PDZRN4: variants seen among roughly 807,000 people sequenced by gnomAD.
The protein encoded by PDZRN4 is PDZ domain-containing RING finger protein 4.
A neutral mutation model predicts 99.0 loss-of-function variants in PDZRN4; 70 were observed. That is an observed-to-expected ratio of 0.71 (90% CI 0.58 to 0.86). The LOEUF is 0.86. Ranked by LOEUF, PDZRN4 falls within the 40% of genes least tolerant of loss-of-function variation. PDZRN4 has a pLI of 0.00. For synonymous variants in PDZRN4, 551 were observed against 501.6 expected (o/e 1.10, Z -1.32); for missense variants, 1,474 against 1,331.2 (o/e 1.11, Z -1.67).
chr12:41,544,647 A>G (rs552959867), intron 5 of PDZRN4, among the ~76,000 whole-genome samples: 1 of 152,342 alleles, frequency 6.6e-6, no homozygotes, highest in South Asian at 2.1e-4. Context: ...ATGAAATACA[A>G]ATTTTCTAAT....
chr12:41,450,948 A>G (rs1203468437), intron 3 of PDZRN4, among the ~76,000 whole-genome samples: 1 of 151,970 alleles, frequency 6.6e-6, no homozygotes, highest in Non-Finnish European at 1.5e-5. Flanking sequence ...AACAAACTAC[A>G]TATATGTATA....
chr12:41,290,230 C>A (rs1003616050), intron 3 of PDZRN4, among the ~76,000 whole-genome samples: 1 of 152,162 alleles, frequency 6.6e-6, no homozygotes, highest in Non-Finnish European at 1.5e-5. Flanking sequence ...TTAGGGAAGA[C>A]AGATTTTTAA....
rs138252744 is a variant in PDZRN4 at position 41,375,271 on chromosome 12, A to T, written c.844-131185A>T. On this transcript the variant is annotated intron_variant, in intron 3 of 9. Coordinates refer to ENST00000402685, the MANE Select transcript of PDZRN4 (RefSeq NM_001164595.2). The stretch of plus-strand genomic sequence containing the variant: ...ATAGTGTGAATTGTTTTAACCTATC[A>T]AGTTTCAGGGTAGTGTGCTATTCAA... 7.4e-4 allele frequency among the ~76,000 whole-genome samples: 112 copies of T among 152,320 alleles called. 1 individual carries two copies. Among genetic ancestry groups the T allele is most frequent in the African/African-American group, 2.6e-3 (107 of 41,578 alleles).
intron 3 of PDZRN4, among the ~76,000 whole-genome samples, chr12:41,276,936 T>A (rs1951353510): frequency 6.6e-6 from 1 of 152,158 alleles, no homozygotes. Flanking sequence ...GGTTAGCTAG[T>A]GTGACAAATG....
intron 2 of PDZRN4, among the ~76,000 whole-genome samples, chr12:41,192,010 T>G (rs1950738863): frequency 6.6e-6 from 1 of 152,070 alleles, no homozygotes; most frequent in South Asian, 2.1e-4. Context: ...TTTGAACTCC[T>G]CACCCCAAGT....
chr12:41,385,934 A>G (rs1238489847), intron 3 of PDZRN4, among the ~76,000 whole-genome samples: 1 of 152,198 alleles, frequency 6.6e-6, no homozygotes, highest in African/African-American at 2.4e-5. Context: ...CTGGCCAACC[A>G]AATCGAGCTG....
At chr12:41,500,291 A>C (rs1224822300) in intron 3 of PDZRN4, among the ~76,000 whole-genome samples, 21 of 151,982 alleles carry the variant, frequency 1.4e-4, no homozygotes, top group Non-Finnish European at 2.9e-4. Flanking sequence ...GAGCTAAGGG[A>C]AGCTGCAACA....
intron 3 of PDZRN4, among the ~76,000 whole-genome samples, chr12:41,351,710 C>T (rs184566659): frequency 6.6e-6 from 1 of 152,102 alleles, no homozygotes; most frequent in African/African-American, 2.4e-5. Context: ...TCCTCCAAAA[C>T]TAGAAATTAC....
At chr12:41,380,626 C>T (rs1475460222) in intron 3 of PDZRN4, among the ~76,000 whole-genome samples, 2 of 151,918 alleles carry the variant, frequency 1.3e-5, no homozygotes, top group Non-Finnish European at 2.9e-5. Context: ...TTACTTATTT[C>T]CCCCTTTTCA....
intron 3 of PDZRN4, among the ~76,000 whole-genome samples, chr12:41,316,773 G>A (rs1167951177): frequency 1.3e-5 from 2 of 151,498 alleles, no homozygotes; most frequent in Non-Finnish European, 2.9e-5. Flanking sequence ...GCCCAAATTT[G>A]ATAATATCAT....
intron 3 of PDZRN4, among the ~76,000 whole-genome samples, chr12:41,261,589 A>T (rs1951240421): frequency 6.6e-6 from 1 of 152,092 alleles, no homozygotes; most frequent in African/African-American, 2.4e-5. Context: ...TCCCGGGTTC[A>T]CGCCATTCTC....
chr12:41,489,248 A>G (rs1272085939), intron 3 of PDZRN4, among the ~76,000 whole-genome samples: 5 of 151,956 alleles, frequency 3.3e-5, no homozygotes, highest in Non-Finnish European at 7.4e-5. Flanking sequence ...ATTTTTGGAG[A>G]TGTTTTGGGT....
rs147995562 is a variant in PDZRN4, at chr12:41,361,928, G to A, written c.844-144528G>A. Among the ~76,000 whole-genome samples, 1,349 of 152,020 alleles carry A rather than the reference G, an allele frequency of 8.9e-3. 18 individuals are homozygous for A. Among genetic ancestry groups the A allele is most frequent in the African/African-American group, 0.03 (1,233 of 41,472 alleles). ...ATTGTACTCGGGGCTGACTCGCGTCGCACCAGCTCCTACGTGACATTGAGA... is the reference window on the plus strand; with the variant it reads ...ATTGTACTCGGGGCTGACTCGCGTCACACCAGCTCCTACGTGACATTGAGA... On this transcript the variant is annotated intron_variant, in intron 3 of 9. Transcript: ENST00000402685.
chr12:41,520,767 A>G (rs945429632), intron 5 of PDZRN4, among the ~76,000 whole-genome samples: 1 of 152,038 alleles, frequency 6.6e-6, no homozygotes. Flanking sequence ...AGATGTCAGC[A>G]GTAATAATGA....
intron 3 of PDZRN4, among the ~76,000 whole-genome samples, chr12:41,290,556 C>T (rs1348093658): frequency 1.3e-5 from 2 of 152,008 alleles, no homozygotes; most frequent in East Asian, 1.9e-4. Context: ...TTCTAGAGCA[C>T]ACACATTCTG....
chr12:41,283,198 C>A (rs529724432), intron 3 of PDZRN4, among the ~76,000 whole-genome samples: 1 of 152,222 alleles, frequency 6.6e-6, no homozygotes, highest in East Asian at 1.9e-4. Flanking sequence ...ACTGTTCCCA[C>A]AGAAATACAA....
At chr12:41,298,167 A>G (rs531260107) in intron 3 of PDZRN4, among the ~76,000 whole-genome samples, 45 of 152,284 alleles carry the variant, frequency 3.0e-4, no homozygotes, top group African/African-American at 9.9e-4. Flanking sequence ...ATTCCCAATA[A>G]TCTTACCCCA....
chr12:41,316,342 A>G (rs1230056330), intron 3 of PDZRN4, among the ~76,000 whole-genome samples: 25 of 152,058 alleles, frequency 1.6e-4, no homozygotes, highest in Non-Finnish European at 2.9e-5. Context: ...TTCTTTCTTA[A>G]TAGTTGGAAT....
chr12:41,427,959 G>A (rs1226287702), intron 3 of PDZRN4, among the ~76,000 whole-genome samples: 2 of 152,082 alleles, frequency 1.3e-5, no homozygotes, highest in African/African-American at 2.4e-5. Context: ...ATGGTGGCAG[G>A]TGCTTGTAAT....
Sources: allele counts gnomAD v4.1 joint callset (sites outside exome capture counted in the v4.1 genomes callset), GRCh38; gene constraint gnomAD v4.1.1; transcripts MANE v1.5; gene names NCBI Gene and HGNC (gene_info 2026-07-23, HGNC 2026-07-21).